The following LARP4 variants were observed in gnomAD, a reference collection of about 807,000 sequenced individuals.
LARP4 encodes La ribonucleoprotein 4, also known as la-related protein 4.
A neutral mutation model predicts 92.9 loss-of-function variants in LARP4; 29 were observed. The observed-to-expected ratio is 0.31, with a 90% confidence interval of 0.23 to 0.43. The LOEUF (loss-of-function observed/expected upper bound fraction) is 0.43, where lower values mean the gene tolerates loss of function less well. LARP4 is among the 20% of genes least tolerant of loss of function. The pLI is 1.00. For missense variants in LARP4, 732 were observed against 860.0 expected, an observed-to-expected ratio of 0.85 and a Z score of 1.86; for synonymous variants, 279 against 284.1, an observed-to-expected ratio of 0.98 and a Z score of 0.18.
At chr12:50,407,827 G>A (rs930828797) in intron 1 of LARP4, among the ~76,000 whole-genome samples, 3 of 152,124 alleles carry the variant, frequency 2.0e-5, no homozygotes, top group Admixed American at 2.0e-4. Flanking sequence ...TCAAAAAAAG[G>A]AAAATTAATT....
intron 10 of LARP4, among the ~76,000 whole-genome samples, chr12:50,460,395 A>G (rs1450520944): frequency 6.6e-6 from 1 of 152,120 alleles, no homozygotes; most frequent in Non-Finnish European, 1.5e-5. Flanking sequence ...TTGTGCAATC[A>G]TAGCTCGCTG....
rs59466600 is a variant in LARP4, at chr12:50,449,434, C to T, written c.805-4026C>T. On this transcript the variant is annotated intron_variant, in intron 8 of 15. Transcript: ENST00000398473. ...TGTCCTTTCTCTCCTGTTTTTCATG[C>T]AAATTGGTCGCTAGATCTTTTTTTC... Among the ~76,000 whole-genome samples, 1,207 of 152,182 alleles carry T rather than the reference C, an allele frequency of 7.9e-3. 15 individuals carry two copies. The highest frequency in any genetic ancestry group is 0.028 in the African/African-American group (1,154 of 41,540).
chr12:50,470,734 A>G (rs1956838739), intron 13 of LARP4, among the ~76,000 whole-genome samples: 1 of 152,128 alleles, frequency 6.6e-6, no homozygotes, highest in African/African-American at 2.4e-5. Flanking sequence ...ACGTCTCCTT[A>G]TAACCCCAAC....
intron 1 of LARP4, among the ~76,000 whole-genome samples, chr12:50,408,187 CT>C (rs71083565): frequency 5.3e-3 from 365 of 69,248 alleles, no homozygotes; most frequent in Admixed American, 0.041. Flanking sequence ...GGATTTTCTG[CT>C]TTTTTTTTTT....
chr12:50,421,519 G>A (rs1469864657), intron 1 of LARP4, among the ~76,000 whole-genome samples: 2 of 151,952 alleles, frequency 1.3e-5, no homozygotes, highest in Non-Finnish European at 2.9e-5. Context: ...GCACACGCCT[G>A]TAATCCCAGT....
At chr12:50,466,112 A>AG (rs1395808291) in intron 12 of LARP4, among the ~76,000 whole-genome samples, 2 of 152,196 alleles carry the variant, frequency 1.3e-5, no homozygotes, top group African/African-American at 4.8e-5. Flanking sequence ...GTCAGGAAAA[A>AG]GGGTCTGTCA....
chr12:50,464,942 G>A (rs565923023), intron 12 of LARP4, among the ~76,000 whole-genome samples: 37 of 151,740 alleles, frequency 2.4e-4, no homozygotes, highest in Non-Finnish European at 4.7e-4. Flanking sequence ...CACCTGCCTC[G>A]GCCTCCCAAA....
rs577394318 is a variant in LARP4, at chr12:50,447,726, G to T, written c.805-5734G>T. ...AGCTAATTATTTTGTTTGTTTGTTT[G>T]TTTTTGTGGAGACAGGGTCTTGCTG... On this transcript the variant is annotated intron_variant, in intron 8 of 15. Transcript: ENST00000398473. Among the ~76,000 whole-genome samples, 50 of 152,086 alleles carry T rather than the reference G, an allele frequency of 3.3e-4. No individual in the cohort carries two copies. The East Asian group carries it at 9.5e-3, about 29-fold the overall frequency.
chr12:50,462,494 G>A, intron 11 of LARP4, 88 bp from the exon 12 acceptor site: 2 of 774,724 alleles, frequency 2.6e-6, no homozygotes, highest in Non-Finnish European at 4.1e-6. Flanking sequence ...AAAAAAATGT[G>A]TACGGCTTTG....
chr12:50,476,408 G>C lies in LARP4; in HGVS notation c.*544G>C, dbSNP rs1398657664. The stretch of plus-strand genomic sequence containing the variant: ...GTTGTGGGTGTGAGTGTGTACAAGA[G>C]CGATTGAAGCCAAATCTGTTGTCAT... On this transcript the variant is annotated 3_prime_UTR_variant, in exon 16 of 16. Coordinates refer to ENST00000398473, the MANE Select transcript of LARP4 (RefSeq NM_052879.5). 1 of 152,552 alleles carries C rather than the reference G, an allele frequency of 6.6e-6. No homozygotes were observed. The highest frequency in any genetic ancestry group is 2.4e-5 in the African/African-American group (1 of 41,412). The allele number at this position is 152,552 out of a possible 1,614,324, so 9.4% of individuals were successfully genotyped here.
At position 50,467,084 on chromosome 12, in the gene LARP4, G is replaced by C; in HGVS notation, c.1509G>C (p.Arg503Ser). The C allele has an allele frequency of 1.9e-6, 3 of 1,612,932 alleles. No individual in the cohort carries two copies. The highest frequency in any genetic ancestry group is 1.7e-4 in the Middle Eastern group (1 of 6,058). Residue 503 changes from arginine to serine, a missense_variant, in exon 13 of 16, where the codon AGG (arginine) becomes AGC (serine). Transcript: ENST00000398473. ...CAGGTGAACTCGTTTTGGAGAATAGGATGTCTGATGTTGTTAAAGGTGTCT... is the reference window on the plus strand; with the variant it reads ...CAGGTGAACTCGTTTTGGAGAATAGCATGTCTGATGTTGTTAAAGGTGTCT... ...RMPGELVLEN[R>S]MSDVVKGVYK... is the part of the protein sequence containing the mutation.
intron 1 of LARP4, among the ~76,000 whole-genome samples, chr12:50,421,449 C>G (rs1266751464): frequency 2.6e-5 from 4 of 151,672 alleles, no homozygotes; most frequent in Non-Finnish European, 5.9e-5. Context: ...CGAGACCAGC[C>G]TGGACAATAT....
At chr12:50,432,268 T>G (rs1949771030) in intron 4 of LARP4, among the ~76,000 whole-genome samples, 1 of 152,200 alleles carries the variant, frequency 6.6e-6, no homozygotes. Flanking sequence ...ATAGAAGATG[T>G]AGGTGATATA....
At chr12:50,408,056 G>A (rs553610335) in intron 1 of LARP4, among the ~76,000 whole-genome samples, 3 of 152,150 alleles carry the variant, frequency 2.0e-5, no homozygotes, top group African/African-American at 7.2e-5. Flanking sequence ...ACCAAAGACA[G>A]AAGAGTGCTT....
At chr12:50,466,289 T>C (rs1479027742) in intron 12 of LARP4, among the ~76,000 whole-genome samples, 2 of 152,108 alleles carry the variant, frequency 1.3e-5, no homozygotes, top group Non-Finnish European at 2.9e-5. Context: ...AGAGGAGGGA[T>C]ATTGTTTTCT....
At chr12:50,432,899 C>A (rs1009879677) in intron 4 of LARP4, among the ~76,000 whole-genome samples, 1 of 149,758 alleles carries the variant, frequency 6.7e-6, no homozygotes, top group African/African-American at 2.4e-5. Context: ...AGTGTCTTAT[C>A]GGGGAGACTT....
At chr12:50,410,932 C>G (rs527470076) in intron 1 of LARP4, among the ~76,000 whole-genome samples, 1 of 151,982 alleles carries the variant, frequency 6.6e-6, no homozygotes, top group Non-Finnish European at 1.5e-5. Flanking sequence ...TACTAGAGTA[C>G]CAGCAATAAT....
Position 50,409,352 on chromosome 12 carries a change from TAAG to T in LARP4, c.18+8329_18+8331del, listed in dbSNP as rs1001473001. Among the ~76,000 whole-genome samples the T allele has an allele frequency of 6.6e-5, 10 of 152,200 alleles. No individual in the cohort carries two copies. The South Asian group carries it at 1.7e-3, about 25-fold the overall frequency. ...ATTAATATCTATCACGTAGGGATGT[TAAG>T]AAGATTGACAGAATAAAACATTTAG... On this transcript the variant is annotated intron_variant, in intron 1 of 15. Coordinates refer to ENST00000398473, the MANE Select transcript of LARP4 (RefSeq NM_052879.5).
chr12:50,457,614 G>A (rs1954558871), intron 10 of LARP4, among the ~76,000 whole-genome samples: 1 of 152,072 alleles, frequency 6.6e-6, no homozygotes, highest in Non-Finnish European at 1.5e-5. Flanking sequence ...ATGAGTTGGA[G>A]ACCAACCTAG....
Sources: allele counts gnomAD v4.1 joint callset (sites outside exome capture counted in the v4.1 genomes callset), GRCh38; gene constraint gnomAD v4.1.1; transcripts MANE v1.5; gene names NCBI Gene and HGNC (gene_info 2026-07-23, HGNC 2026-07-21).